PC: variants seen among roughly 807,000 people sequenced by gnomAD.
PC encodes pyruvate carboxylase, also known as pyruvate carboxylase, mitochondrial.
A neutral mutation model predicts 107.8 loss-of-function variants in PC; 46 were observed. The ratio of observed to expected loss-of-function variants is 0.43; its 90% CI spans 0.34 to 0.55. The LOEUF is 0.55. PC is among the 20% of genes least tolerant of loss of function. The pLI is 0.04. For missense variants in PC, 1,241 were observed against 1,643.1 expected (o/e 0.76, Z 4.23); for synonymous variants, 662 against 684.7 (o/e 0.97, Z 0.52).
At chr11:66,927,244 G>C (rs1948738746) in intron 3 of PC, among the ~76,000 whole-genome samples, 1 of 141,896 alleles carries the variant, frequency 7.0e-6, no homozygotes. Flanking sequence ...ATCCAGGCTG[G>C]CCTCCCCTAG....
At position 66,870,505 on chromosome 11, in the gene PC, C is replaced by CTAAA; in HGVS notation, c.752-56_752-53dup. ...GCTTTTACTGGAATCTACACGCCTC[C>CTAAA]TAAATGCCCCATCACCCCCACATAA... On this transcript the variant is annotated intron_variant, in intron 8 of 22. Transcript: ENST00000393960. The surrounding 1 kb of genome is among the most constrained non-coding windows in gnomAD (Gnocchi z 6.1). 1 of 1,589,834 alleles carries CTAAA rather than the reference C, an allele frequency of 6.3e-7. No individual in the cohort carries two copies. The highest frequency in any genetic ancestry group is 8.6e-7 in the Non-Finnish European group (1 of 1,166,166).
In PC at chr11:66,852,419, T is replaced by C; in HGVS notation, c.1825+20A>G. The C allele has an allele frequency of 3.7e-6, 6 of 1,603,672 alleles. No homozygotes were observed. The highest frequency in any genetic ancestry group is 5.1e-6 in the Non-Finnish European group (6 of 1,170,830). The stretch of plus-strand genomic sequence containing the variant: ...GCGGGCGCCCATTCCTACCAGGCGC[T>C]GCGCAGCATGCCAGCCTACCTCCCC... On this transcript the variant is annotated intron_variant, in intron 15 of 22. Transcript: ENST00000393960. The surrounding 1 kb of genome is among the most constrained non-coding windows in gnomAD (Gnocchi z 4.7).
At chr11:66,853,794 C>T (rs1488714887) in intron 12 of PC, among the ~76,000 whole-genome samples, 2 of 152,208 alleles carry the variant, frequency 1.3e-5, no homozygotes, top group Admixed American at 1.3e-4. Flanking sequence ...CTGAGTCCAG[C>T]GGGCATGCTC....
rs117285817 is a variant in PC, at chr11:66,940,355, C to G, written c.-1+12075G>C. On this transcript the variant is annotated intron_variant, in intron 3 of 22. Transcript: ENST00000393960. ...TTGGGACCACACCCGGCCCCTCTGC[C>G]CATTTTGAATCAGGTGGTTTTTTGT... Among the ~76,000 whole-genome samples, 102 of 152,008 alleles carry G rather than the reference C, an allele frequency of 6.7e-4. 2 individuals are homozygous for G. In the East Asian group the frequency reaches 0.018, roughly 27 times the overall value.
rs577824928 is a variant in PC, at chr11:66,894,920, G to A, written c.1-22761C>T. 2.0e-5 allele frequency among the ~76,000 whole-genome samples: 3 copies of A among 152,058 alleles called. No individual in the cohort carries two copies. In the East Asian group the frequency reaches 5.8e-4, roughly 29 times the overall value. On this transcript the variant is annotated intron_variant, in intron 3 of 22. Transcript: ENST00000393960. ...ACCTGTAGTCCCAGCTACTCAGGAC[G>A]CTGAGGCAGGAGAATCACTTGAACC... is the stretch of plus-strand genomic sequence containing the variant.
rs770897306 is a variant in PC at position 66,859,989 on chromosome 11, C to A, written c.1368+3785G>T. The A allele has an allele frequency of 1.9e-4, 298 of 1,598,944 alleles. 1 individual carries two copies. The highest frequency in any genetic ancestry group is 5.4e-4 in the Middle Eastern group (3 of 5,574). ...GACCAATGGAGGCCCCAGCCCCACA[C>A]CCAAGGCCCACCCGCCGCGGAGCCC... On this transcript the variant is annotated intron_variant, in intron 12 of 22. Transcript: ENST00000393960.
chr11:66,951,277 T>C (rs1040873325), intron 3 of PC, among the ~76,000 whole-genome samples: 1 of 152,162 alleles, frequency 6.6e-6, no homozygotes, highest in Admixed American at 6.5e-5. Context: ...GGAAGAGCAT[T>C]ATTGTTGTCA....
rs781515936 is a variant in PC, at chr11:66,849,071, T to A, written c.3365A>T (p.Asp1122Val). 5 of 1,613,976 alleles carry A rather than the reference T, an allele frequency of 3.1e-6. No homozygotes were observed. The highest frequency in any genetic ancestry group is 4.2e-6 in the Non-Finnish European group (5 of 1,180,024). Residue 1122 changes from aspartate (D) to valine (V), a missense_variant, in exon 23 of 23, where the codon GAC (aspartate) becomes GTC (valine). By Grantham distance (152) the Asp-to-Val change is radical. Transcript: ENST00000393960. ...IGAPMPGKVI[D>V]IKVVAGAKVA... is the part of the protein sequence containing the mutation. ...CTTGGCCCCTGCCACCACTTTGATG[T>A]CTATCACCTTCCCAGGCATGGGCGC...
At chr11:66,951,764 C>T (rs1031726443) in intron 3 of PC, among the ~76,000 whole-genome samples, 2 of 152,190 alleles carry the variant, frequency 1.3e-5, no homozygotes, top group Admixed American at 6.5e-5. Flanking sequence ...GCAGCACACA[C>T]CTGTAGTCCC....
rs774507141 is a variant in PC, at chr11:66,850,942, A to G, written c.2224-19T>C. On this transcript the variant is annotated intron_variant, in intron 17 of 22. Transcript: ENST00000393960. ...CCATGTCCTGGGGGAAGTGGGAGAG[A>G]GAGAGAGAGAGATGGTAGAGAGGGC... 2 of 1,605,152 alleles carry G rather than the reference A, an allele frequency of 1.2e-6. No homozygotes were observed. The highest frequency in any genetic ancestry group is 8.5e-7 in the Non-Finnish European group (1 of 1,178,508).
chr11:66,851,002 G>A (rs373734070), intron 17 of PC, 38 bp downstream of exon 17: 202 of 1,610,088 alleles, frequency 1.3e-4, no homozygotes, highest in Non-Finnish European at 9.4e-5. Context: ...GGACATGGCC[G>A]GGGCAGAGAG....
At chr11:66,929,276 CCTTA>C (rs1157683426) in intron 3 of PC, among the ~76,000 whole-genome samples, 1 of 152,084 alleles carries the variant, frequency 6.6e-6, no homozygotes, top group African/African-American at 2.4e-5. Context: ...GTGCTGGCAG[CCTTA>C]CTTCTCAAAT....
intron 12 of PC, among the ~76,000 whole-genome samples, chr11:66,854,772 AG>A (rs1277393981): frequency 6.6e-6 from 1 of 152,188 alleles, no homozygotes; most frequent in Non-Finnish European, 1.5e-5. Flanking sequence ...CTGGACAGGA[AG>A]GGTGCCTCCC....
At chr11:66,947,911 C>T (rs1428264228) in intron 3 of PC, among the ~76,000 whole-genome samples, 31 of 148,238 alleles carry the variant, frequency 2.1e-4, no homozygotes, top group African/African-American at 7.2e-4. Context: ...TGCAGTGAGC[C>T]GAGATCATGC....
chr11:66,849,135 G>A lies in PC; in HGVS notation c.3301C>T (p.His1101Tyr). The change falls in exon 23 of 23, where the codon CAC becomes TAC. Residue 1101 changes from histidine to tyrosine, a missense_variant. His to Tyr is a moderately conservative substitution (Grantham distance 83). Transcript: ENST00000393960. The stretch of plus-strand genomic sequence containing the variant: ...TTCACGTCCTTTAGGGCCTTGGGGT[G>A]GAAGTGCATCTCCTGAAGACACAGG... ...DTQAMKEMHFHPKALKDVKGQ... is the reference protein window; with the variant it reads ...DTQAMKEMHFYPKALKDVKGQ... 1 of 1,613,984 alleles carries A rather than the reference G, an allele frequency of 6.2e-7. No individual in the cohort carries two copies. Among genetic ancestry groups the A allele is most frequent in the Non-Finnish European group, 8.5e-7 (1 of 1,180,022 alleles).
chr11:66,918,585 A>C (rs1262433461), intron 3 of PC, among the ~76,000 whole-genome samples: 1 of 151,268 alleles, frequency 6.6e-6, no homozygotes, highest in Non-Finnish European at 1.5e-5. Flanking sequence ...GTTGGCCAGG[A>C]TGGTCTCGAA....
At position 66,852,369 on chromosome 11, in the gene PC, C is replaced by G. The variant is rs1402407149; in HGVS notation, c.1825+70G>C. On this transcript the variant is annotated intron_variant, in intron 15 of 22. Transcript: ENST00000393960. The surrounding 1 kb of genome is among the most constrained non-coding windows in gnomAD (Gnocchi z 4.7). The stretch of plus-strand genomic sequence containing the variant: ...GCGTCTCTAGCTTGTCCCCAGTGGC[C>G]TAAGCCTGTGGGACTGGCCACAGAG... 7.8e-7 allele frequency: 1 copy of G among 1,284,830 alleles called. No individual in the cohort carries two copies. The highest frequency in any genetic ancestry group is 1.1e-6 in the Non-Finnish European group (1 of 881,508). The allele number at this position is 1,284,830 out of a possible 1,614,324, so 79.6% of individuals were successfully genotyped here.
intron 3 of PC, among the ~76,000 whole-genome samples, chr11:66,918,330 T>G (rs1029219410): frequency 1.3e-5 from 2 of 150,880 alleles, no homozygotes; most frequent in Non-Finnish European, 3.0e-5. Flanking sequence ...AGCCCAGGAG[T>G]TCAAGACCAG....
chr11:66,906,453 C>T (rs1191935378), intron 3 of PC, among the ~76,000 whole-genome samples: 1 of 152,182 alleles, frequency 6.6e-6, no homozygotes, highest in Admixed American at 6.5e-5. Context: ...AAAGGCACCA[C>T]CTGACAGAGA....
Sources: allele counts gnomAD v4.1 joint callset (sites outside exome capture counted in the v4.1 genomes callset), GRCh38; gene constraint gnomAD v4.1.1; non-coding constraint Gnocchi (gnomAD v3.1); transcripts MANE v1.5; gene names NCBI Gene and HGNC (gene_info 2026-07-23, HGNC 2026-07-21).